ANKRD30B: variants seen among roughly 807,000 people sequenced by gnomAD.
ANKRD30B encodes the protein ankyrin repeat domain-containing protein 30B.
A neutral mutation model predicts 202.2 loss-of-function variants in ANKRD30B; 144 were observed. That is an observed-to-expected ratio of 0.71 (90% CI 0.62 to 0.82). The LOEUF (loss-of-function observed/expected upper bound fraction) is 0.82. Among genes scored for constraint, ANKRD30B ranks in the 40% least tolerant of loss-of-function variants. The pLI is 0.00. For missense variants in ANKRD30B, 1,487 were observed against 1,669.1 expected (o/e 0.89, Z 1.90); for synonymous variants, 508 against 561.3 (o/e 0.91, Z 1.34).
chr18:14,904,153 G>T, the ANKRD30B span, among the ~76,000 whole-genome samples: 285 of 152,254 alleles, frequency 1.9e-3, no homozygotes, highest in African/African-American at 6.5e-3. Flanking sequence ...TGTGTTTATC[G>T]GTGATCAGTT....
chr18:14,820,705 G>A (rs993494577), intron 30 of ANKRD30B, among the ~76,000 whole-genome samples: 10 of 152,014 alleles, frequency 6.6e-5, no homozygotes, highest in Non-Finnish European at 1.5e-4. Flanking sequence ...GCATCCCAGG[G>A]ATGAAGCCCA....
At chr18:14,938,882 G>T in the ANKRD30B span, among the ~76,000 whole-genome samples, 2 of 152,192 alleles carry the variant, frequency 1.3e-5, no homozygotes, top group Non-Finnish European at 2.9e-5. Flanking sequence ...AGCAGATTTA[G>T]GTTCTGCAGG....
At position 14,752,955 on chromosome 18, in the gene ANKRD30B, T is replaced by C. The variant is rs1913706357; in HGVS notation, c.453T>C (p.Asn151=). 1.9e-6 allele frequency: 3 copies of C among 1,604,286 alleles called. No individual in the cohort carries two copies. The East Asian group carries it at 6.8e-5, about 36-fold the overall frequency. Residue 151 remains asparagine (N), a synonymous_variant, in exon 3 of 44, where the codon AAT becomes AAC. Coordinates refer to ENST00000690538, the MANE Select transcript of ANKRD30B (RefSeq NM_001367607.2). ...TCCATTATGCCGTTTATAGTGAGAA[T>C]TTGTTAATGGTGGCAACACTGCTGT... ...TALHYAVYSE[N]LLMVATLLSY...
the ANKRD30B span, among the ~76,000 whole-genome samples, chr18:14,927,697 C>T: frequency 6.6e-6 from 1 of 152,148 alleles, no homozygotes; most frequent in Non-Finnish European, 1.5e-5. Context: ...GAAGCAATTC[C>T]CCATAAACTC....
At chr18:14,828,159 C>G in intron 32 of ANKRD30B, 119 bp from the exon 33 acceptor site, 1 of 734,332 alleles carries the variant, frequency 1.4e-6, no homozygotes, top group Non-Finnish European at 2.3e-6. Flanking sequence ...CCTCCTGCCT[C>G]ACCTTCCCAA....
intron 10 of ANKRD30B, among the ~76,000 whole-genome samples, chr18:14,779,161 CA>C (rs1443858470): frequency 6.6e-6 from 1 of 152,154 alleles, no homozygotes; most frequent in East Asian, 1.9e-4. Flanking sequence ...GAATTCACTT[CA>C]GATGCATTTA....
chr18:14,825,093 C>T (rs1007879742), intron 32 of ANKRD30B: 4 of 152,116 alleles, frequency 2.6e-5, no homozygotes, highest in African/African-American at 9.7e-5. Context: ...ATGATGAAAC[C>T]CTCGCCTGAA....
chr18:14,895,899 G>A, the ANKRD30B span, among the ~76,000 whole-genome samples: 2 of 151,966 alleles, frequency 1.3e-5, no homozygotes, highest in African/African-American at 4.8e-5. Context: ...GAATCACAGG[G>A]GATTTTTAAA....
chr18:14,796,460 A>G (rs1275053724), intron 18 of ANKRD30B, 45 bp downstream of exon 18: 45 of 1,503,834 alleles, frequency 3.0e-5, no homozygotes, highest in Admixed American at 1.4e-4. Context: ...AAGAATATTA[A>G]ACTATTTGAA....
chr18:14,785,865 C>G (rs1225183423), intron 14 of ANKRD30B, among the ~76,000 whole-genome samples: 2 of 151,828 alleles, frequency 1.3e-5, no homozygotes, highest in Non-Finnish European at 2.9e-5. Context: ...GGTGAAACCC[C>G]GTCTCTACTA....
chr18:14,890,371 A>C, the ANKRD30B span, among the ~76,000 whole-genome samples: 1 of 151,810 alleles, frequency 6.6e-6, no homozygotes, highest in Admixed American at 6.6e-5. Context: ...ATTCTCTAGA[A>C]TTAAATTTCT....
In ANKRD30B at chr18:14,748,573, C is replaced by T. The variant is rs1420960068; in HGVS notation, c.154C>T (p.Gln52Ter). ...IHTAASRGQV[Q>*]KLEKMTVGKK... ...TACAGCTGCCTCCCGGGGCCAAGTC[C>T]AGAAGCTGGAGAAGATGACAGTAGG... is the stretch of plus-strand genomic sequence containing the variant. The change falls in exon 1 of 44, where the codon CAG (glutamine) becomes TAG (stop). Residue 52 changes from glutamine (Q) to a stop codon, truncating the protein, a stop_gained. Coordinates refer to ENST00000690538, the MANE Select transcript of ANKRD30B (RefSeq NM_001367607.2). LOFTEE classifies it high-confidence loss of function. The T allele has an allele frequency of 6.4e-7, 1 of 1,563,082 alleles. No individual in the cohort carries two copies. Among genetic ancestry groups the T allele is most frequent in the South Asian group, 1.2e-5 (1 of 84,702 alleles).
the ANKRD30B span, among the ~76,000 whole-genome samples, chr18:14,870,428 C>T: frequency 1.8e-4 from 27 of 152,222 alleles, no homozygotes; most frequent in African/African-American, 6.0e-4. Flanking sequence ...TCTCCTTTCC[C>T]CTCTGGGGAA....
chr18:14,917,482 G>A, the ANKRD30B span, among the ~76,000 whole-genome samples: 1 of 152,116 alleles, frequency 6.6e-6, no homozygotes, highest in African/African-American at 2.4e-5. Context: ...GCAGACACGG[G>A]GTCTGGCCAT....
the ANKRD30B span, among the ~76,000 whole-genome samples, chr18:14,922,280 C>G: frequency 6.6e-6 from 1 of 152,096 alleles, no homozygotes; most frequent in South Asian, 2.1e-4. Flanking sequence ...AGGGGTATCT[C>G]CCATCCCAGT....
the ANKRD30B span, among the ~76,000 whole-genome samples, chr18:14,917,224 C>A: frequency 6.6e-6 from 1 of 152,194 alleles, no homozygotes; most frequent in Non-Finnish European, 1.5e-5. Flanking sequence ...TTTCCCTTTT[C>A]TCTAACTGAA....
chr18:14,892,745 A>G, the ANKRD30B span, among the ~76,000 whole-genome samples: 5 of 71,168 alleles, frequency 7.0e-5, no homozygotes, highest in Non-Finnish European at 1.1e-4. Flanking sequence ...GTTTCACCAA[A>G]AAAAAAAAAA....
At chr18:14,835,728 T>C (rs4591238) in intron 34 of ANKRD30B, among the ~76,000 whole-genome samples, 176 of 151,926 alleles carry the variant, frequency 1.2e-3, no homozygotes, top group African/African-American at 3.9e-3. Flanking sequence ...TTTGAGCTAG[T>C]ATTATATTGT....
intron 24 of ANKRD30B, among the ~76,000 whole-genome samples, chr18:14,807,047 G>T (rs1333300890): frequency 1.3e-5 from 2 of 151,022 alleles, no homozygotes; most frequent in African/African-American, 4.9e-5. Context: ...CTGCAACACG[G>T]TCATGCATAT....
Sources: allele counts gnomAD v4.1 joint callset (sites outside exome capture counted in the v4.1 genomes callset), GRCh38; gene constraint gnomAD v4.1.1; transcripts MANE v1.5; gene names NCBI Gene and HGNC (gene_info 2026-07-23, HGNC 2026-07-21).